PDE4B: variants seen among roughly 807,000 people sequenced by gnomAD.
PDE4B encodes phosphodiesterase 4B.
In PDE4B, 20 loss-of-function variants were observed where a neutral mutation model predicts 82.2. That is an observed-to-expected ratio of 0.24 (90% CI 0.17 to 0.35). PDE4B has a LOEUF of 0.35. Ranked by LOEUF, PDE4B falls within the 10% of genes least tolerant of loss-of-function variation. The pLI, the probability that PDE4B is intolerant of heterozygous loss-of-function variation, is 1.00. For missense variants in PDE4B, 655 were observed against 907.2 expected (o/e 0.72, Z 3.57); for synonymous variants, 320 against 318.9 (o/e 1.00, Z -0.04).
At chr1:65,882,680 A>ATGTGTG (rs5774774) in intron 1 of PDE4B, among the ~76,000 whole-genome samples, 2,138 of 149,942 alleles carry the variant, frequency 0.014, 37 homozygotes, top group Admixed American at 0.048. Flanking sequence ...TTTGAAAAAT[A>ATGTGTG]TGTGTGTGTG....
chr1:65,821,263 A>C (rs1308855158), intron 1 of PDE4B, among the ~76,000 whole-genome samples: 1 of 152,250 alleles, frequency 6.6e-6, no homozygotes, highest in Admixed American at 6.5e-5. Flanking sequence ...TTAAGGTTGC[A>C]GGAGAGTAAT....
At chr1:66,319,038 G>T (rs1031673375) in intron 7 of PDE4B, among the ~76,000 whole-genome samples, 1 of 152,186 alleles carries the variant, frequency 6.6e-6, no homozygotes, top group Non-Finnish European at 1.5e-5. Flanking sequence ...ACTTGAAAGC[G>T]CATGTCAACT....
chr1:66,277,949 A>T (rs556635723), intron 7 of PDE4B, among the ~76,000 whole-genome samples: 1 of 152,322 alleles, frequency 6.6e-6, no homozygotes, highest in Admixed American at 6.5e-5. Context: ...TACATGTTTA[A>T]TGGGGATAAT....
At chr1:65,822,586 T>C (rs889536793) in intron 1 of PDE4B, among the ~76,000 whole-genome samples, 2 of 152,050 alleles carry the variant, frequency 1.3e-5, no homozygotes, top group African/African-American at 4.8e-5. Flanking sequence ...TACTAAGAGG[T>C]GAGACTTTCT....
intron 3 of PDE4B, among the ~76,000 whole-genome samples, chr1:65,965,630 C>G (rs1649778030): frequency 6.6e-6 from 1 of 151,912 alleles, no homozygotes; most frequent in African/African-American, 2.4e-5. Context: ...TAAATATTAT[C>G]AACCAGGAGG....
chr1:65,904,262 C>T (rs1200785745), intron 1 of PDE4B, among the ~76,000 whole-genome samples: 1 of 152,052 alleles, frequency 6.6e-6, no homozygotes, highest in Non-Finnish European at 1.5e-5. Context: ...AGACATAGCA[C>T]TTGTGAATGA....
At chr1:66,332,469 C>A (rs745477395) in intron 7 of PDE4B, 39 bp from the exon 8 acceptor site, 1 of 1,614,120 alleles carries the variant, frequency 6.2e-7, no homozygotes. Flanking sequence ...AGCCTGCAGC[C>A]GCTCCAGCCT....
chr1:66,304,413 C>G (rs562590449), intron 7 of PDE4B, among the ~76,000 whole-genome samples: 32 of 152,272 alleles, frequency 2.1e-4, no homozygotes, highest in African/African-American at 7.2e-4. Flanking sequence ...TTTACTCTTT[C>G]ATTTCCTTCT....
intron 7 of PDE4B, 55 bp from the exon 8 acceptor site, chr1:66,332,453 A>G (rs1660192126): frequency 4.3e-6 from 7 of 1,614,026 alleles, no homozygotes; most frequent in Middle Eastern, 1.6e-4. Context: ...TGACTCTGCT[A>G]TGGACAGCCT....
chr1:66,335,298 C>T (rs921262829), intron 8 of PDE4B, among the ~76,000 whole-genome samples: 1 of 152,174 alleles, frequency 6.6e-6, no homozygotes, highest in Non-Finnish European at 1.5e-5. Flanking sequence ...GTTTTGTTTG[C>T]AATGTCTGAT....
chr1:66,275,774 A>T (rs1180107068), intron 7 of PDE4B, among the ~76,000 whole-genome samples: 2 of 152,190 alleles, frequency 1.3e-5, no homozygotes, highest in Non-Finnish European at 2.9e-5. Flanking sequence ...CCTTTCACCC[A>T]AGAGGAGGGA....
chr1:66,307,600 A>G (rs1658372376), intron 7 of PDE4B, among the ~76,000 whole-genome samples: 1 of 152,150 alleles, frequency 6.6e-6, no homozygotes, highest in African/African-American at 2.4e-5. Context: ...TGACATAATG[A>G]CTGTGGAGAA....
chr1:66,331,967 A>T (rs968619710), intron 7 of PDE4B: 1 of 1,012,754 alleles, frequency 9.9e-7, no homozygotes, highest in East Asian at 9.8e-5. Flanking sequence ...CACAATCCTC[A>T]GGATGAATGA....
rs1003249073 is a variant in PDE4B at position 66,001,402 on chromosome 1, A to G, written c.281+82567A>G. Among the ~76,000 whole-genome samples, 11 of 152,204 alleles carry G rather than the reference A, an allele frequency of 7.2e-5. No homozygotes were observed. In the East Asian group the frequency reaches 2.1e-3, roughly 29 times the overall value. On this transcript the variant is annotated intron_variant, in intron 3 of 16. Transcript: ENST00000341517. The stretch of plus-strand genomic sequence containing the variant: ...AGCAATAGTTTTGGGATCAAAAGAA[A>G]AATATTATTTATTTTAAAACAGTTT...
At chr1:66,249,339 AT>A (rs1386584114) in intron 4 of PDE4B, among the ~76,000 whole-genome samples, 1 of 152,196 alleles carries the variant, frequency 6.6e-6, no homozygotes, top group East Asian at 1.9e-4. Flanking sequence ...CAGGTGCAAG[AT>A]TAGCTTTGAA....
intron 1 of PDE4B, among the ~76,000 whole-genome samples, chr1:65,898,702 A>T (rs1197119200): frequency 6.6e-6 from 1 of 152,116 alleles, no homozygotes; most frequent in Non-Finnish European, 1.5e-5. Flanking sequence ...GCAAACAAAA[A>T]CATAAAGTGG....
intron 1 of PDE4B, among the ~76,000 whole-genome samples, chr1:65,797,861 A>C (rs1242211751): frequency 6.6e-6 from 1 of 152,066 alleles, no homozygotes; most frequent in East Asian, 1.9e-4. Flanking sequence ...TTGAATAGAG[A>C]GTTGGAAGAC....
At chr1:66,117,256 G>GAA (rs144776315) in intron 3 of PDE4B, among the ~76,000 whole-genome samples, 7 of 150,482 alleles carry the variant, frequency 4.7e-5, no homozygotes, top group African/African-American at 1.7e-4. Flanking sequence ...CTAGTTGCCA[G>GAA]AAAAAAAAAG....
In PDE4B at chr1:65,869,184, G is replaced by A. The variant is rs368768998; in HGVS notation, c.-70-44061G>A. 1.5e-4 allele frequency among the ~76,000 whole-genome samples: 23 copies of A among 152,268 alleles called. No homozygotes were observed. The East Asian group carries it at 2.3e-3, about 15-fold the overall frequency. On this transcript the variant is annotated intron_variant, in intron 1 of 16. Coordinates refer to ENST00000341517, the MANE Select transcript of PDE4B (RefSeq NM_002600.4). ...ATGTAATGCAGTTAAATCATTGTCC[G>A]TTTCAGATACAATCTATCCCATTTA... is the stretch of plus-strand genomic sequence containing the variant.
Sources: allele counts gnomAD v4.1 joint callset (sites outside exome capture counted in the v4.1 genomes callset), GRCh38; gene constraint gnomAD v4.1.1; transcripts MANE v1.5; gene names NCBI Gene and HGNC (gene_info 2026-07-23, HGNC 2026-07-21).